FLVCR2: variants seen among roughly 807,000 people sequenced by gnomAD.
FLVCR2 encodes FLVCR choline and putative heme transporter 2.
In FLVCR2, 38 loss-of-function variants were observed where a neutral mutation model predicts 48.9. The ratio of observed to expected loss-of-function variants is 0.78; its 90% CI spans 0.60 to 1.02. FLVCR2 has a LOEUF of 1.02. Among genes scored for constraint, FLVCR2 ranks in the 50% least tolerant of loss-of-function variants. The pLI is 0.00. For synonymous variants in FLVCR2, 255 were observed against 257.0 expected, an observed-to-expected ratio of 0.99 and a Z score of 0.07; for missense variants, 664 against 663.3, an observed-to-expected ratio of 1.00 and a Z score of -0.01.
intron 1 of FLVCR2, among the ~76,000 whole-genome samples, chr14:75,613,753 G>T (rs1205767330): frequency 2.6e-5 from 4 of 152,170 alleles, no homozygotes; most frequent in East Asian, 3.9e-4. Context: ...GTTTCACCAG[G>T]TTGGCCAGGC....
At chr14:75,617,122 C>T (rs1211486277) in intron 1 of FLVCR2, among the ~76,000 whole-genome samples, 1 of 152,180 alleles carries the variant, frequency 6.6e-6, no homozygotes, top group Non-Finnish European at 1.5e-5. Flanking sequence ...GATCTCAGAG[C>T]TGGCATAGCA....
chr14:75,612,651 G>A (rs138116424), intron 1 of FLVCR2, among the ~76,000 whole-genome samples: 7 of 152,248 alleles, frequency 4.6e-5, no homozygotes, highest in African/African-American at 1.4e-4. Context: ...CCGTGGAGCC[G>A]CCTGGCATTC....
chr14:75,643,110 T>C (rs1890341115), intron 9 of FLVCR2, among the ~76,000 whole-genome samples: 1 of 152,204 alleles, frequency 6.6e-6, no homozygotes, highest in Non-Finnish European at 1.5e-5. Flanking sequence ...GACCCACCAA[T>C]CTTGGCCTCC....
At chr14:75,639,599 G>T in intron 6 of FLVCR2, 137 bp downstream of exon 6, 1 of 726,062 alleles carries the variant, frequency 1.4e-6, no homozygotes, top group Non-Finnish European at 2.5e-6. Context: ...GTGCCCAGGG[G>T]TCTCGGTAAT....
At chr14:75,600,380 T>C (rs1046665555) in intron 1 of FLVCR2, among the ~76,000 whole-genome samples, 3 of 152,182 alleles carry the variant, frequency 2.0e-5, no homozygotes, top group Non-Finnish European at 4.4e-5. Flanking sequence ...ACAATAAATA[T>C]AAGCAGCTGA....
chr14:75,631,061 G>A (rs1890026535), intron 3 of FLVCR2, among the ~76,000 whole-genome samples: 1 of 152,186 alleles, frequency 6.6e-6, no homozygotes, highest in Admixed American at 6.5e-5. Flanking sequence ...TTGACAATAT[G>A]GTGAGGGACA....
intron 1 of FLVCR2, among the ~76,000 whole-genome samples, chr14:75,606,705 C>T (rs1017348398): frequency 1.3e-5 from 2 of 152,074 alleles, no homozygotes; most frequent in African/African-American, 4.8e-5. Flanking sequence ...TAATCCCAGC[C>T]CTTTGGGAGG....
intron 1 of FLVCR2, among the ~76,000 whole-genome samples, chr14:75,606,382 T>C (rs761104171): frequency 2.0e-5 from 3 of 152,200 alleles, no homozygotes; most frequent in African/African-American, 4.8e-5. Flanking sequence ...GGCTAGTAGC[T>C]GCCTTTTGAG....
At chr14:75,585,138 G>T (rs1300635790) in intron 1 of FLVCR2, among the ~76,000 whole-genome samples, 1 of 152,128 alleles carries the variant, frequency 6.6e-6, no homozygotes, top group Non-Finnish European at 1.5e-5. Flanking sequence ...TAGAAAAGGA[G>T]AATTCAAAAG....
At chr14:75,636,145 G>A (rs1890163194) in intron 5 of FLVCR2, among the ~76,000 whole-genome samples, 1 of 152,076 alleles carries the variant, frequency 6.6e-6, no homozygotes, top group South Asian at 2.1e-4. Context: ...GGGCAGAGCA[G>A]TGTCCCCGGC....
chr14:75,587,884 G>A (rs1888789353), intron 1 of FLVCR2, among the ~76,000 whole-genome samples: 1 of 152,172 alleles, frequency 6.6e-6, no homozygotes, highest in Non-Finnish European at 1.5e-5. Flanking sequence ...GGACCTTTGG[G>A]TAGCTCATAG....
At chr14:75,642,248 C>T (rs1890322212) in intron 9 of FLVCR2, among the ~76,000 whole-genome samples, 1 of 152,166 alleles carries the variant, frequency 6.6e-6, no homozygotes, top group South Asian at 2.1e-4. Context: ...TGTTTTCAGC[C>T]TGGGGTCAGT....
chr14:75,598,875 C>T (rs1298582036), intron 1 of FLVCR2, among the ~76,000 whole-genome samples: 6 of 152,214 alleles, frequency 3.9e-5, no homozygotes, highest in Admixed American at 3.9e-4. Context: ...GACCTCCGCT[C>T]CCCACCTTTT....
At chr14:75,610,143 A>C (rs1166980202) in intron 1 of FLVCR2, among the ~76,000 whole-genome samples, 1 of 152,122 alleles carries the variant, frequency 6.6e-6, no homozygotes, top group Non-Finnish European at 1.5e-5. Flanking sequence ...CCTCCTTCCT[A>C]GCCGAGTCAT....
intron 1 of FLVCR2, among the ~76,000 whole-genome samples, chr14:75,617,073 A>G (rs544782796): frequency 6.6e-6 from 1 of 152,282 alleles, no homozygotes; most frequent in South Asian, 2.1e-4. Flanking sequence ...GGGTGGGGAC[A>G]GTGGATGGTG....
intron 1 of FLVCR2, among the ~76,000 whole-genome samples, chr14:75,603,550 CTGAT>C (rs2140019768): frequency 6.6e-6 from 1 of 152,338 alleles, no homozygotes; most frequent in South Asian, 2.1e-4. Context: ...TTTGTGCTAT[CTGAT>C]TTTTTTCCTG....
chr14:75,618,451 G>A (rs1889671101), intron 1 of FLVCR2, among the ~76,000 whole-genome samples: 1 of 152,228 alleles, frequency 6.6e-6, no homozygotes, highest in Admixed American at 6.5e-5. Flanking sequence ...CTAAGACTAT[G>A]ACTTGGTTTG....
chr14:75,599,699 T>C (rs1353777636), intron 1 of FLVCR2, among the ~76,000 whole-genome samples: 10 of 152,130 alleles, frequency 6.6e-5, no homozygotes, highest in Admixed American at 6.5e-4. Context: ...CTTTCTGATG[T>C]CGGAACTTAC....
chr14:75,638,882 A>G (rs1205000642), intron 5 of FLVCR2, among the ~76,000 whole-genome samples: 1 of 152,210 alleles, frequency 6.6e-6, no homozygotes, highest in Non-Finnish European at 1.5e-5. Context: ...GTCAGTGTCC[A>G]TCACCCTCAT....
Sources: allele counts gnomAD v4.1 joint callset (sites outside exome capture counted in the v4.1 genomes callset), GRCh38; gene constraint gnomAD v4.1.1; transcripts MANE v1.5; gene names NCBI Gene and HGNC (gene_info 2026-07-23, HGNC 2026-07-21).